Variants in FBXL13 observed in about 807,000 individuals in gnomAD.
FBXL13 encodes the protein F-box and leucine-rich repeat protein 13.
In FBXL13, 67 loss-of-function variants were observed where a neutral mutation model predicts 83.6. The observed-to-expected ratio is 0.80, with a 90% CI of 0.66 to 0.98. FBXL13 has a LOEUF of 0.98. FBXL13 is among the 50% of genes least tolerant of loss of function. The pLI is 0.00. For missense variants in FBXL13, 822 were observed against 866.5 expected (o/e 0.95, Z 0.64); for synonymous variants, 272 against 299.5 (o/e 0.91, Z 0.95).
At chr7:102,858,890 A>T (rs1234251145) in intron 16 of FBXL13, among the ~76,000 whole-genome samples, 1 of 152,156 alleles carries the variant, frequency 6.6e-6, no homozygotes, top group Non-Finnish European at 1.5e-5. Flanking sequence ...TTCTTTTGGG[A>T]GTGAAGAAAA....
At chr7:102,981,337 C>T (rs1238241152) in intron 6 of FBXL13, among the ~76,000 whole-genome samples, 11 of 152,028 alleles carry the variant, frequency 7.2e-5, no homozygotes, top group African/African-American at 2.7e-4. Flanking sequence ...TCCGAATTTC[C>T]TAAAATTTTT....
rs188733805 is a variant in FBXL13 at position 102,888,342 on chromosome 7, T to G, written c.1009-4030A>C. Among the ~76,000 whole-genome samples the G allele has an allele frequency of 1.5e-4, 23 of 152,204 alleles. No individual in the cohort carries two copies. In the East Asian group the frequency reaches 4.1e-3, roughly 27 times the overall value. The stretch of plus-strand genomic sequence containing the variant: ...TCACGAGGTCAGGAGATTGAGACCA[T>G]CCTGGCTAATACGGTGAAACCCCAT... On this transcript the variant is annotated intron_variant, in intron 11 of 19. Coordinates refer to ENST00000313221, the Ensembl canonical transcript of FBXL13.
chr7:102,973,630 C>T (rs922993841), intron 6 of FBXL13: 2 of 766,168 alleles, frequency 2.6e-6, no homozygotes, highest in South Asian at 1.3e-5. Flanking sequence ...GGTGCCGAAA[C>T]CCGGGAGGGG....
intron 11 of FBXL13, among the ~76,000 whole-genome samples, chr7:102,904,291 C>T (rs1456484360): frequency 6.6e-6 from 1 of 152,046 alleles, no homozygotes; most frequent in East Asian, 1.9e-4. Context: ...TATAGCTGAT[C>T]ATAGCAGCCA....
At chr7:102,953,447 A>T (rs943504887) in intron 8 of FBXL13, among the ~76,000 whole-genome samples, 1 of 152,216 alleles carries the variant, frequency 6.6e-6, no homozygotes, top group African/African-American at 2.4e-5. Flanking sequence ...AAGGCATTTG[A>T]CAAAATCCCA....
chr7:102,918,559 T>C (rs1250601091), intron 10 of FBXL13, among the ~76,000 whole-genome samples: 1 of 152,208 alleles, frequency 6.6e-6, no homozygotes, highest in African/African-American at 2.4e-5. Context: ...ATCATGCCTA[T>C]AACCCCAGCA....
At chr7:102,962,836 G>C (rs1290340322) in intron 8 of FBXL13, among the ~76,000 whole-genome samples, 12 of 150,536 alleles carry the variant, frequency 8.0e-5, no homozygotes, top group Admixed American at 7.3e-4. Flanking sequence ...CTGTTGTGGG[G>C]TGGGGGGAAG....
At chr7:102,869,377 C>A (rs183064242) in intron 16 of FBXL13, among the ~76,000 whole-genome samples, 1 of 152,276 alleles carries the variant, frequency 6.6e-6, no homozygotes, top group Non-Finnish European at 1.5e-5. Context: ...GGATATTGAA[C>A]CCTTGTCACG....
At chr7:102,952,379 A>T (rs761899939) in intron 8 of FBXL13, among the ~76,000 whole-genome samples, 7 of 152,232 alleles carry the variant, frequency 4.6e-5, no homozygotes, top group Non-Finnish European at 7.3e-5. Context: ...ACAACAATGA[A>T]AAAAGAACCA....
chr7:103,015,797 C>CAAAA (rs56376102), intron 6 of FBXL13, among the ~76,000 whole-genome samples: 27,454 of 114,846 alleles, frequency 0.24, 4,784 homozygotes, highest in East Asian at 0.55. Context: ...ACTCTCATCT[C>CAAAA]AAAAAAAAAA....
chr7:102,855,898 T>TAA (rs1273039300), intron 16 of FBXL13, among the ~76,000 whole-genome samples: 18 of 139,302 alleles, frequency 1.3e-4, no homozygotes, highest in African/African-American at 4.7e-4. Flanking sequence ...GGCCTTCTCA[T>TAA]AAAAAAAAAA....
intron 8 of FBXL13, among the ~76,000 whole-genome samples, chr7:102,938,967 G>A (rs1026917210): frequency 1.1e-4 from 17 of 152,260 alleles, no homozygotes; most frequent in Non-Finnish European, 2.1e-4. Context: ...ACATTGCCTA[G>A]GCCTAGTGTC....
chr7:102,821,217 A>C (rs79130351), intron 19 of FBXL13, among the ~76,000 whole-genome samples: 1 of 152,148 alleles, frequency 6.6e-6, no homozygotes, highest in Non-Finnish European at 1.5e-5. Context: ...CTCCAGACCT[A>C]TCAGGAAGGG....
At chr7:102,812,842 T>C (rs1797512215), downstream of FBXL13, among the ~76,000 whole-genome samples, 3 of 140,118 alleles carry the variant, frequency 2.1e-5, no homozygotes, top group African/African-American at 8.5e-5. Flanking sequence ...TTTGGCTTCT[T>C]TTTTTTTTTT....
chr7:103,059,977 T>C, intron 1 of FBXL13, among the ~76,000 whole-genome samples: 1 of 135,616 alleles, frequency 7.4e-6, no homozygotes, highest in African/African-American at 2.7e-5. Context: ...GAATAGTGTC[T>C]AGCACAAAAT....
At chr7:103,070,508 C>G (rs543034957) in intron 1 of FBXL13, among the ~76,000 whole-genome samples, 1 of 152,272 alleles carries the variant, frequency 6.6e-6, no homozygotes, top group South Asian at 2.1e-4. Flanking sequence ...AAGCAACAAA[C>G]AATAATTTTA....
At chr7:102,934,041 A>G (rs1819756218) in intron 8 of FBXL13, 1 of 1,613,948 alleles carries the variant, frequency 6.2e-7, no homozygotes, top group Non-Finnish European at 8.5e-7. Context: ...AGAGGCTCCA[A>G]CCCGGTCAAA....
At chr7:102,914,003 A>G (rs1300309410) in intron 10 of FBXL13, among the ~76,000 whole-genome samples, 4 of 152,168 alleles carry the variant, frequency 2.6e-5, no homozygotes, top group African/African-American at 9.7e-5. Flanking sequence ...AGCCTGTACT[A>G]CCATACGAGG....
intron 10 of FBXL13, among the ~76,000 whole-genome samples, chr7:102,924,296 C>A (rs1032619675): frequency 6.6e-6 from 1 of 151,434 alleles, no homozygotes; most frequent in African/African-American, 2.4e-5. Context: ...AAAAAACAGG[C>A]CTTGGGCCAC....
Sources: allele counts gnomAD v4.1 joint callset (sites outside exome capture counted in the v4.1 genomes callset), GRCh38; gene constraint gnomAD v4.1.1; transcripts MANE v1.5; gene names NCBI Gene and HGNC (gene_info 2026-07-23, HGNC 2026-07-21).